DCAF7: variants seen among roughly 807,000 people sequenced by gnomAD.
DCAF7 encodes DDB1- and CUL4-associated factor 7.
DCAF7 carries 4 observed loss-of-function variants against 41.2 expected under a neutral mutation model. That is an observed-to-expected ratio of 0.10 (90% CI 0.05 to 0.22). DCAF7 has a LOEUF of 0.22. Among genes scored for constraint, DCAF7 ranks in the 10% least tolerant of loss-of-function variants. The probability of loss-of-function intolerance (pLI) is 1.00; values close to 1 mark genes in which losing one functional copy is unlikely to be tolerated. For synonymous variants in DCAF7, 143 were observed against 164.2 expected, an observed-to-expected ratio of 0.87 and a Z score of 0.99; for missense variants, 131 against 443.2, an observed-to-expected ratio of 0.30 and a Z score of 6.32.
intron 1 of DCAF7, among the ~76,000 whole-genome samples, chr17:63,578,135 G>A (rs572059738): frequency 5.3e-5 from 8 of 152,160 alleles, no homozygotes; most frequent in Admixed American, 4.6e-4. Flanking sequence ...AGGCTGAGGT[G>A]GGAGGATCAG....
intron 6 of DCAF7, among the ~76,000 whole-genome samples, chr17:63,588,439 C>T (rs910242651): frequency 2.0e-5 from 3 of 151,452 alleles, no homozygotes; most frequent in South Asian, 2.1e-4. Flanking sequence ...TCAGGTGATC[C>T]GCCTGCCTCA....
At chr17:63,551,987 A>G (rs1265363343) in intron 1 of DCAF7, among the ~76,000 whole-genome samples, 1 of 138,268 alleles carries the variant, frequency 7.2e-6, no homozygotes, top group Non-Finnish European at 1.5e-5. Flanking sequence ...CTGAGGCTGG[A>G]GAATTGCTTG....
intron 4 of DCAF7, 141 bp from the exon 5 acceptor site, chr17:63,583,361 T>C: frequency 1.3e-6 from 1 of 753,160 alleles, no homozygotes; most frequent in Admixed American, 2.1e-5. Flanking sequence ...GTTTCAGTAC[T>C]CACAGACACT....
rs982538047 is a variant in DCAF7, at chr17:63,593,281, C to T, written c.*4109C>T. The T allele has an allele frequency of 6.5e-6, 1 of 152,730 alleles. No homozygotes were observed. The highest frequency in any genetic ancestry group is 1.9e-4 in the East Asian group (1 of 5,206). 9.5% of individuals were successfully genotyped at this position (152,730 alleles called of 1,614,324 possible). On this transcript the variant is annotated 3_prime_UTR_variant, in exon 7 of 7. Transcript: ENST00000614556. ...GCTGGGCCAGCTCCTGAGAGCGTCT[C>T]GTGTTGCAGACCCTTGCCCACTTCA...
chr17:63,574,590 G>GT (rs1343223201), intron 1 of DCAF7, among the ~76,000 whole-genome samples: 2 of 152,198 alleles, frequency 1.3e-5, no homozygotes, highest in African/African-American at 4.8e-5. Flanking sequence ...AATAACTAAT[G>GT]TAGCAAAGTT....
At chr17:63,586,033 G>C (rs1199507292) in intron 6 of DCAF7, among the ~76,000 whole-genome samples, 1 of 149,750 alleles carries the variant, frequency 6.7e-6, no homozygotes, top group East Asian at 2.0e-4. Context: ...GCTGAGGCAG[G>C]AGAAGCACTT....
intron 6 of DCAF7, among the ~76,000 whole-genome samples, 174 bp downstream of exon 6, chr17:63,585,502 G>T (rs559842288): frequency 6.6e-6 from 1 of 152,142 alleles, no homozygotes; most frequent in Non-Finnish European, 1.5e-5. Flanking sequence ...ATTTTTAGAC[G>T]ATCTTGTACC....
At chr17:63,588,242 C>T (rs1339918466) in intron 6 of DCAF7, among the ~76,000 whole-genome samples, 2 of 141,876 alleles carry the variant, frequency 1.4e-5, no homozygotes, top group Admixed American at 1.4e-4. Context: ...TGCTGGAGTG[C>T]GGTGGTATGA....
At chr17:63,570,741 G>T (rs773733923) in intron 1 of DCAF7, among the ~76,000 whole-genome samples, 11 of 152,226 alleles carry the variant, frequency 7.2e-5, no homozygotes, top group Non-Finnish European at 1.2e-4. Flanking sequence ...TAGTCTAACT[G>T]TCTTTTGGGA....
At chr17:63,559,835 TA>T (rs370888988) in intron 1 of DCAF7, among the ~76,000 whole-genome samples, 97 of 151,832 alleles carry the variant, frequency 6.4e-4, no homozygotes, top group African/African-American at 2.2e-3. Context: ...GAATTCCAGA[TA>T]AATGGAAGAA....
intron 1 of DCAF7, among the ~76,000 whole-genome samples, chr17:63,562,965 C>G (rs1568099041): frequency 6.6e-6 from 1 of 151,928 alleles, no homozygotes; most frequent in Non-Finnish European, 1.5e-5. Context: ...GCTAGAATTA[C>G]AGACGCACAA....
At chr17:63,587,101 TCTC>T (rs1361539236) in intron 6 of DCAF7, among the ~76,000 whole-genome samples, 5 of 152,174 alleles carry the variant, frequency 3.3e-5, no homozygotes, top group African/African-American at 4.8e-5. Flanking sequence ...TTTTTTTTCT[TCTC>T]CTCACTAATC....
chr17:63,572,232 T>G (rs2033515385), intron 1 of DCAF7, among the ~76,000 whole-genome samples: 1 of 152,164 alleles, frequency 6.6e-6, no homozygotes. Context: ...ATATCCTCAC[T>G]TTACAGATTG....
intron 1 of DCAF7, among the ~76,000 whole-genome samples, chr17:63,572,059 C>T (rs1299857761): frequency 1.3e-5 from 2 of 152,058 alleles, no homozygotes; most frequent in Non-Finnish European, 2.9e-5. Flanking sequence ...GGATTAGTCA[C>T]CAAACAGATG....
rs372353252 is a variant in DCAF7 at position 63,589,182 on chromosome 17, C to A, written c.*10C>A. ...GATACTCAGAGTGTAGTGTTGGTGG[C>A]GCTGTGCCCACGAGGCAGGGGCTTT... On this transcript the variant is annotated 3_prime_UTR_variant, in exon 7 of 7. Transcript: ENST00000614556. The A allele has an allele frequency of 1.5e-5, 24 of 1,611,654 alleles. No individual in the cohort carries two copies. The South Asian group carries it at 2.2e-4, about 15-fold the overall frequency.
rs2033747770 is a variant in DCAF7, at chr17:63,592,736, CTG to C, written c.*3567_*3568del. 2 of 152,206 alleles carry C rather than the reference CTG, an allele frequency of 1.3e-5. 1 individual carries two copies. Among genetic ancestry groups the C allele is most frequent in the South Asian group, 4.1e-4 (2 of 4,820 alleles). The allele number at this position is 152,206 out of a possible 1,614,324, so 9.4% of individuals were successfully genotyped here. On this transcript the variant is annotated 3_prime_UTR_variant, in exon 7 of 7. Transcript: ENST00000614556. ...ATTGGGCATCCGTGATGCTAGGTAA[CTG>C]TGGGAACAAAATGACAGCTTAGAGC...
chr17:63,578,766 T>TG, intron 2 of DCAF7, 138 bp downstream of exon 2: 1 of 1,217,936 alleles, frequency 8.2e-7, no homozygotes, highest in Non-Finnish European at 1.2e-6. Flanking sequence ...GAAGCTTAAA[T>TG]GGACTGGCCT....
intron 1 of DCAF7, among the ~76,000 whole-genome samples, chr17:63,574,381 A>G (rs1261503349): frequency 1.3e-5 from 2 of 152,180 alleles, no homozygotes; most frequent in Non-Finnish European, 2.9e-5. Flanking sequence ...GTGTTTTAGG[A>G]CACTGGGTTT....
intron 1 of DCAF7, among the ~76,000 whole-genome samples, chr17:63,562,518 TTTA>T (rs962063843): frequency 6.7e-6 from 1 of 149,686 alleles, no homozygotes; most frequent in Non-Finnish European, 1.5e-5. Flanking sequence ...ATTTTCTTTT[TTTA>T]TTTTTTATTT....
Sources: gnomAD v4.1 joint callset for allele counts (sites outside exome capture counted in the v4.1 genomes callset) on GRCh38, gnomAD v4.1.1 for gene constraint, MANE v1.5 for transcripts, NCBI Gene and HGNC (gene_info 2026-07-23, HGNC 2026-07-21) for gene names.